Variants in CNOT1 observed in about 807,000 individuals in gnomAD.
The protein encoded by CNOT1 is CCR4-NOT transcription complex subunit 1, also known as CCR4-associated factor 1.
CNOT1 carries 15 observed loss-of-function variants against 273.8 expected under a neutral mutation model. The ratio of observed to expected loss-of-function variants is 0.05; its 90% CI spans 0.04 to 0.08. The LOEUF (loss-of-function observed/expected upper bound fraction) is 0.08, where lower values mean the gene tolerates loss of function less well. Among genes scored for constraint, CNOT1 ranks in the 10% least tolerant of loss-of-function variants. The pLI is 1.00. For missense variants in CNOT1, 1,644 were observed against 2,912.2 expected (o/e 0.56, Z 10.02); for synonymous variants, 1,022 against 1,005.5 (o/e 1.02, Z -0.31).
chr16:58,618,223 G>T (rs563209580), intron 1 of CNOT1, among the ~76,000 whole-genome samples: 6 of 152,142 alleles, frequency 3.9e-5, no homozygotes, highest in African/African-American at 1.4e-4. Context: ...GACTGACTGA[G>T]CCCAGGAGTT....
intron 1 of CNOT1, among the ~76,000 whole-genome samples, chr16:58,619,892 G>A (rs1178098901): frequency 6.6e-6 from 1 of 152,060 alleles, no homozygotes; most frequent in Non-Finnish European, 1.5e-5. Flanking sequence ...TCAAGAAATT[G>A]CCAAGATGTA....
intron 46 of CNOT1, 91 bp downstream of exon 46, chr16:58,525,088 T>C (rs1429788826): frequency 8.4e-7 from 1 of 1,196,972 alleles, no homozygotes; most frequent in East Asian, 2.3e-5. Context: ...TCCTTCACTA[T>C]TGTGGCTTGA....
intron 2 of CNOT1, among the ~76,000 whole-genome samples, chr16:58,598,254 C>T (rs539789503): frequency 2.0e-5 from 3 of 152,042 alleles, no homozygotes; most frequent in Admixed American, 1.3e-4. Flanking sequence ...AAAAATTAGC[C>T]GAGCATGATG....
At chr16:58,562,145 T>C (rs1451173756) in intron 16 of CNOT1, among the ~76,000 whole-genome samples, 3 of 150,242 alleles carry the variant, frequency 2.0e-5, no homozygotes, top group African/African-American at 4.9e-5. Context: ...ATTGCACTAC[T>C]GTACTCCAGC....
At chr16:58,527,205 A>G (rs980755451) in intron 44 of CNOT1, among the ~76,000 whole-genome samples, 1 of 152,138 alleles carries the variant, frequency 6.6e-6, no homozygotes, top group Non-Finnish European at 1.5e-5. Context: ...AGGTAGAGGT[A>G]GATGATGGGG....
At chr16:58,605,987 C>A (rs143277113) in intron 1 of CNOT1, among the ~76,000 whole-genome samples, 252 of 152,186 alleles carry the variant, frequency 1.7e-3, no homozygotes, top group Middle Eastern at 0.01. Flanking sequence ...CTTCTCACAG[C>A]ACTTCTCAAT....
At chr16:58,552,230 T>C (rs2040474195) in intron 22 of CNOT1, among the ~76,000 whole-genome samples, 1 of 151,442 alleles carries the variant, frequency 6.6e-6, no homozygotes, top group Admixed American at 6.6e-5. Context: ...ATAAAGCTGT[T>C]ATTACGAAAA....
At chr16:58,550,422 TTAAATA>T (rs1301180051) in intron 24 of CNOT1, among the ~76,000 whole-genome samples, 3 of 152,198 alleles carry the variant, frequency 2.0e-5, no homozygotes, top group South Asian at 2.1e-4. Flanking sequence ...CCTCAGCCTA[TTAAATA>T]TAAAGTTAAA....
At chr16:58,534,488 A>C in intron 39 of CNOT1, 93 bp from the exon 40 acceptor site, 1 of 1,334,200 alleles carries the variant, frequency 7.5e-7, no homozygotes, top group Non-Finnish European at 1.0e-6. Context: ...AGATATTCTC[A>C]TTTGTTCCTA....
chr16:58,624,191 A>G (rs1027746757), intron 1 of CNOT1, among the ~76,000 whole-genome samples: 21 of 152,188 alleles, frequency 1.4e-4, no homozygotes, highest in African/African-American at 4.8e-4. Context: ...GTGGGATCTG[A>G]TGCTATCTTC....
Position 58,560,202 on chromosome 16 carries a change from A to T in CNOT1, c.2130+10T>A. 6.2e-7 allele frequency: 1 copy of T among 1,612,918 alleles called. No individual in the cohort carries two copies. The highest frequency in any genetic ancestry group is 8.5e-7 in the Non-Finnish European group (1 of 1,179,562). ...CAAATGAAGATGTATCAAATGTAGCACTCATTTACCTGAACAGGAGAAATG... is the reference window on the plus strand; with the variant it reads ...CAAATGAAGATGTATCAAATGTAGCTCTCATTTACCTGAACAGGAGAAATG... On this transcript the variant is annotated intron_variant, in intron 17 of 48. Coordinates refer to ENST00000317147, the MANE Select transcript of CNOT1 (RefSeq NM_016284.5).
intron 22 of CNOT1, among the ~76,000 whole-genome samples, chr16:58,552,444 A>ATC (rs140637057): frequency 7.3e-5 from 11 of 151,062 alleles, no homozygotes; most frequent in South Asian, 2.1e-4. Flanking sequence ...GAAAGTGATG[A>ATC]TCTCTCTCTC....
Position 58,555,898 on chromosome 16 carries a change from A to G in CNOT1, c.2490T>C (p.Ser830=). 1.2e-6 allele frequency: 2 copies of G among 1,612,706 alleles called. No homozygotes were observed. The highest frequency in any genetic ancestry group is 1.7e-6 in the Non-Finnish European group (2 of 1,180,002). The change falls in exon 20 of 49, where the codon TCT becomes TCC. Residue 830 remains serine (S), a synonymous_variant. Coordinates refer to ENST00000317147, the MANE Select transcript of CNOT1 (RefSeq NM_016284.5). ...GCTGGTTTGCCTCTGGCCACACCTG[A>G]GACAAGTCCGCTGTTGGAAACAAAA... ...QQSKMKPSDL[S]QVWPEANQHF...
rs1286853595 is a variant in CNOT1 at position 58,541,257 on chromosome 16, C to T, written c.4800+244G>A. Among the ~76,000 whole-genome samples the T allele has an allele frequency of 2.6e-5, 4 of 152,158 alleles. No homozygotes were observed. In the East Asian group the frequency reaches 7.7e-4, roughly 29 times the overall value. On this transcript the variant is annotated intron_variant, in intron 34 of 48. Transcript: ENST00000317147. ...TAAAAAACCGAAAGTTATTATGTTACCATGAGAATTCCCCTAATTAGGCCG... is the reference window on the plus strand; with the variant it reads ...TAAAAAACCGAAAGTTATTATGTTATCATGAGAATTCCCCTAATTAGGCCG...
At chr16:58,624,395 T>C (rs1877575492) in intron 1 of CNOT1, among the ~76,000 whole-genome samples, 1 of 152,206 alleles carries the variant, frequency 6.6e-6, no homozygotes, top group Non-Finnish European at 1.5e-5. Flanking sequence ...TTTCAGGAAT[T>C]TCCCTGTAAC....
At chr16:58,587,059 TATTAC>T (rs986480166) in intron 6 of CNOT1, 137 bp downstream of exon 6, 2 of 1,187,136 alleles carry the variant, frequency 1.7e-6, no homozygotes, top group African/African-American at 3.1e-5. Context: ...GTAACATTTA[TATTAC>T]ATGTTTTTTA....
intron 17 of CNOT1, chr16:58,559,993 A>T: frequency 7.6e-7 from 1 of 1,308,640 alleles, no homozygotes; most frequent in Non-Finnish European, 1.1e-6. Context: ...TACCTAAATA[A>T]ATTGTCTGTA....
intron 17 of CNOT1, among the ~76,000 whole-genome samples, chr16:58,558,955 A>G (rs1597456846): frequency 6.6e-6 from 1 of 152,204 alleles, no homozygotes; most frequent in East Asian, 1.9e-4. Context: ...TCAATTTTGG[A>G]TTTTAGAATA....
Position 58,586,530 on chromosome 16 carries a change from CA to C in CNOT1, c.637+14del. On this transcript the variant is annotated intron_variant, in intron 7 of 48. Transcript: ENST00000317147. ...CAAGAAAACCACCCACTGTAGGCTA[CA>C]AAGACTCCCTTACCTCTGCGCAGCG... 1 of 1,606,242 alleles carries C rather than the reference CA, an allele frequency of 6.2e-7. No homozygotes were observed. Among genetic ancestry groups the C allele is most frequent in the Non-Finnish European group, 8.5e-7 (1 of 1,178,072 alleles).
Sources: gnomAD v4.1 joint callset for allele counts (sites outside exome capture counted in the v4.1 genomes callset) on GRCh38, gnomAD v4.1.1 for gene constraint, MANE v1.5 for transcripts, NCBI Gene and HGNC (gene_info 2026-07-23, HGNC 2026-07-21) for gene names.